PPIL4: variants seen among roughly 807,000 people sequenced by gnomAD.
PPIL4 encodes the protein peptidyl-prolyl cis-trans isomerase-like 4.
A neutral mutation model predicts 69.1 loss-of-function variants in PPIL4; 50 were observed. The ratio of observed to expected loss-of-function variants is 0.72; its 90% CI spans 0.58 to 0.92. The LOEUF (loss-of-function observed/expected upper bound fraction) is 0.92. Ranked by LOEUF, PPIL4 falls within the 40% of genes least tolerant of loss-of-function variation. The pLI, the probability that PPIL4 is intolerant of heterozygous loss-of-function variation, is 0.00. For synonymous variants in PPIL4, 193 were observed against 191.6 expected, an observed-to-expected ratio of 1.01 and a Z score of -0.06; for missense variants, 480 against 587.9, an observed-to-expected ratio of 0.82 and a Z score of 1.90.
chr6:149,535,482 T>C, intron 5 of PPIL4, 114 bp downstream of exon 5: 1 of 598,424 alleles, frequency 1.7e-6, no homozygotes, highest in Non-Finnish European at 2.7e-6. Context: ...CTTTTGGGAT[T>C]AGAATTATCC....
intron 11 of PPIL4, among the ~76,000 whole-genome samples, chr6:149,512,586 A>G (rs1358664457): frequency 1.3e-5 from 2 of 152,228 alleles, no homozygotes; most frequent in Non-Finnish European, 2.9e-5. Context: ...AAAAATTTAA[A>G]TTTAGAAAAT....
At chr6:149,534,354 C>T (rs969451813) in intron 6 of PPIL4, among the ~76,000 whole-genome samples, 1 of 152,138 alleles carries the variant, frequency 6.6e-6, no homozygotes, top group East Asian at 1.9e-4. Flanking sequence ...AGCCTGGCTC[C>T]AGAGTGTCCC....
At chr6:149,538,829 G>A (rs1777318350) in intron 4 of PPIL4, among the ~76,000 whole-genome samples, 1 of 149,722 alleles carries the variant, frequency 6.7e-6, no homozygotes, top group African/African-American at 2.5e-5. Context: ...TTAAGGATGA[G>A]CAAACAAAGT....
intron 9 of PPIL4, among the ~76,000 whole-genome samples, chr6:149,524,075 T>C (rs773717567): frequency 6.6e-6 from 1 of 152,200 alleles, no homozygotes; most frequent in Non-Finnish European, 1.5e-5. Flanking sequence ...TAGAATGAGC[T>C]ACTACTGGAT....
At chr6:149,520,735 C>T (rs903017446) in intron 10 of PPIL4, among the ~76,000 whole-genome samples, 6 of 152,088 alleles carry the variant, frequency 3.9e-5, no homozygotes, top group Non-Finnish European at 7.4e-5. Flanking sequence ...AAAACAAGGC[C>T]GGGCGCAGTG....
chr6:149,506,265 G>T (rs548502939), intron 12 of PPIL4, among the ~76,000 whole-genome samples: 15 of 152,184 alleles, frequency 9.9e-5, no homozygotes, highest in Non-Finnish European at 1.8e-4. Flanking sequence ...GATCACCTGA[G>T]GTCAGGAGTT....
At chr6:149,509,061 A>T (rs1338616147) in intron 12 of PPIL4, among the ~76,000 whole-genome samples, 1 of 152,174 alleles carries the variant, frequency 6.6e-6, no homozygotes, top group Non-Finnish European at 1.5e-5. Flanking sequence ...AAGAAGAGAA[A>T]ATTAATGTAG....
At chr6:149,540,350 C>T (rs1215211383) in intron 4 of PPIL4, among the ~76,000 whole-genome samples, 1 of 152,188 alleles carries the variant, frequency 6.6e-6, no homozygotes, top group African/African-American at 2.4e-5. Flanking sequence ...GGCGCGGTGG[C>T]TCACGCCTGT....
At chr6:149,531,024 A>G (rs1202780957) in intron 7 of PPIL4, among the ~76,000 whole-genome samples, 2 of 152,172 alleles carry the variant, frequency 1.3e-5, no homozygotes, top group Non-Finnish European at 2.9e-5. Context: ...GTGGGTGCAT[A>G]ACCTGAATCT....
At chr6:149,518,159 A>G (rs958189178) in intron 10 of PPIL4, among the ~76,000 whole-genome samples, 1 of 152,166 alleles carries the variant, frequency 6.6e-6, no homozygotes, top group Admixed American at 6.5e-5. Context: ...CTTAGGGGCA[A>G]CTTCATTCCT....
At chr6:149,529,295 T>C (rs1051842469) in intron 7 of PPIL4, among the ~76,000 whole-genome samples, 5 of 149,646 alleles carry the variant, frequency 3.3e-5, no homozygotes, top group Non-Finnish European at 5.9e-5. Flanking sequence ...ACTCTGTCTC[T>C]ACAAAAAATA....
chr6:149,545,260 C>A (rs977600925), intron 1 of PPIL4, among the ~76,000 whole-genome samples: 26 of 152,212 alleles, frequency 1.7e-4, no homozygotes, highest in African/African-American at 6.3e-4. Context: ...ATATAGTATT[C>A]GCTAGCTTTG....
intron 11 of PPIL4, among the ~76,000 whole-genome samples, chr6:149,513,414 T>C (rs562841460): frequency 2.3e-5 from 1 of 43,968 alleles, no homozygotes; most frequent in African/African-American, 1.1e-4. Context: ...AAAAAAAAAA[T>C]ATATATATAT....
chr6:149,521,439 G>C (rs1367458549), intron 9 of PPIL4, among the ~76,000 whole-genome samples: 1 of 152,174 alleles, frequency 6.6e-6, no homozygotes, highest in African/African-American at 2.4e-5. Context: ...ATTTTAGAGA[G>C]ACAGTCCAAC....
intron 7 of PPIL4, among the ~76,000 whole-genome samples, chr6:149,531,045 A>C (rs1322264334): frequency 6.6e-6 from 1 of 152,154 alleles, no homozygotes; most frequent in Admixed American, 6.5e-5. Context: ...AATCATGAGG[A>C]AAGAGTAGAT....
Position 149,535,515 on chromosome 6 carries a change from G to A in PPIL4, c.464+81C>T, listed in dbSNP as rs116136864. 852 of 1,062,196 alleles carry A rather than the reference G, an allele frequency of 8.0e-4. 7 individuals are homozygous for A. In the African/African-American group the frequency reaches 0.011, roughly 14 times the overall value. 65.8% of individuals were successfully genotyped at this position (1,062,196 alleles called of 1,614,324 possible). ...TCCAGAAACCAGTCCTATGCATACC[G>A]TTCCTATCCATACCACTACGTGTTA... On this transcript the variant is annotated intron_variant, in intron 5 of 12. Transcript: ENST00000253329.
At chr6:149,531,948 G>A (rs959158578) in intron 7 of PPIL4, among the ~76,000 whole-genome samples, 1 of 152,190 alleles carries the variant, frequency 6.6e-6, no homozygotes, top group Admixed American at 6.5e-5. Flanking sequence ...GATTACAGGC[G>A]TGAGCCACTG....
chr6:149,505,673 T>C lies in PPIL4; in HGVS notation c.1259A>G (p.Tyr420Cys). The C allele has an allele frequency of 1.9e-6, 3 of 1,613,972 alleles. No individual in the cohort carries two copies. Among genetic ancestry groups the C allele is most frequent in the Non-Finnish European group, 2.5e-6 (3 of 1,179,862 alleles). Residue 420 changes from tyrosine to cysteine, a missense_variant, in exon 13 of 13, where the codon TAT (tyrosine) becomes TGT (cysteine). Transcript: ENST00000253329. ...CTCCCAACAGCTTTCTTCTTCTTCA[T>C]AGTGACCAAACCCCATTTCTCTATA... ...DIYREMGFGH[Y>C]EEEESCWEKQ...
rs1483379073 is a variant in PPIL4 at position 149,541,054 on chromosome 6, A to T, written c.209T>A (p.Leu70Gln). The T allele has an allele frequency of 3.8e-6, 6 of 1,591,208 alleles. No homozygotes were observed. The highest frequency in any genetic ancestry group is 1.1e-5 in the South Asian group (1 of 90,070). Residue 70 changes from leucine (L) to glutamine (Q), a missense_variant, in exon 4 of 13, where the codon CTG becomes CAG. Coordinates refer to ENST00000253329, the MANE Select transcript of PPIL4 (RefSeq NM_139126.4). Reference protein sequence around the residue: ...GRGGESIFGQLYGDQASFFEA... With the variant: ...GRGGESIFGQQYGDQASFFEA... ...AAAAAAGCTTGCTTGATCACCATAC[A>T]GTTGGCTGAAAAAACATATAAGGTT...
Sources: allele counts gnomAD v4.1 joint callset (sites outside exome capture counted in the v4.1 genomes callset), GRCh38; gene constraint gnomAD v4.1.1; transcripts MANE v1.5; gene names NCBI Gene and HGNC (gene_info 2026-07-23, HGNC 2026-07-21).